Variants in FHAD1 observed in about 807,000 individuals in gnomAD.
The protein encoded by FHAD1 is forkhead associated phosphopeptide binding domain 1, also known as forkhead-associated domain-containing protein 1.
In FHAD1, 146 loss-of-function variants were observed where a neutral mutation model predicts 191.3. That is an observed-to-expected ratio of 0.76 (90% CI 0.67 to 0.88). The LOEUF (loss-of-function observed/expected upper bound fraction) is 0.88. FHAD1 is among the 40% of genes least tolerant of loss of function. The pLI, the probability that FHAD1 is intolerant of heterozygous loss-of-function variation, is 0.00. For synonymous variants in FHAD1, 616 were observed against 672.3 expected (o/e 0.92, Z 1.29); for missense variants, 1,635 against 1,785.8 (o/e 0.92, Z 1.52).
At chr1:15,288,238 C>T (rs1409844997) in intron 3 of FHAD1, among the ~76,000 whole-genome samples, 4 of 152,196 alleles carry the variant, frequency 2.6e-5, no homozygotes, top group Admixed American at 6.5e-5. Context: ...TCAATAAGCT[C>T]GGTGCAATAA....
At position 15,350,313 on chromosome 1, in the gene FHAD1, G is replaced by A. The variant is rs77152796; in HGVS notation, c.2454+1164G>A. ...GCGGCTCCAGGGCCACAAGACCAAA[G>A]CTGAGAAGCAGGCTGGAGAGTGCCC... On this transcript the variant is annotated intron_variant, in intron 19 of 33. Transcript: ENST00000688493. Among the ~76,000 whole-genome samples the A allele has an allele frequency of 8.7e-3, 1,332 of 152,338 alleles. 7 individuals carry two copies. Among genetic ancestry groups the A allele is most frequent in the Non-Finnish European group, 0.011 (721 of 68,034 alleles).
intron 6 of FHAD1, among the ~76,000 whole-genome samples, chr1:15,303,588 G>A (rs1269672716): frequency 5.9e-5 from 9 of 152,162 alleles, no homozygotes; most frequent in Non-Finnish European, 8.8e-5. Context: ...GGTGGCTCAC[G>A]CCTGTAATCC....
At chr1:15,380,294 G>T (rs1005094705) in intron 28 of FHAD1, among the ~76,000 whole-genome samples, 1 of 152,124 alleles carries the variant, frequency 6.6e-6, no homozygotes, top group Non-Finnish European at 1.5e-5. Flanking sequence ...GGCATGTGTG[G>T]ATGTCTAGTA....
intron 1 of FHAD1, among the ~76,000 whole-genome samples, chr1:15,241,986 G>A (rs1294702203): frequency 6.6e-6 from 1 of 152,212 alleles, no homozygotes; most frequent in East Asian, 1.9e-4. Context: ...TCTAATCCCA[G>A]CACTCTGGGA....
intron 2 of FHAD1, among the ~76,000 whole-genome samples, chr1:15,265,137 T>C (rs1318775934): frequency 1.3e-5 from 2 of 152,220 alleles, no homozygotes; most frequent in Non-Finnish European, 2.9e-5. Flanking sequence ...AGTTTTCTTA[T>C]AATGTCTTTG....
chr1:15,380,324 C>T (rs1471018240), intron 28 of FHAD1, among the ~76,000 whole-genome samples: 4 of 152,134 alleles, frequency 2.6e-5, no homozygotes, highest in Admixed American at 6.5e-5. Flanking sequence ...CTCTCTACCC[C>T]CTAGATGCTA....
chr1:15,260,506 G>A (rs948924331), intron 2 of FHAD1, among the ~76,000 whole-genome samples: 8 of 152,170 alleles, frequency 5.3e-5, no homozygotes, highest in African/African-American at 1.9e-4. Context: ...TTGGCCGCCT[G>A]GGCTCTTGGC....
At position 15,381,492 on chromosome 1, in the gene FHAD1, C is replaced by A; in HGVS notation, c.4022+41C>A. The A allele has an allele frequency of 1.4e-6, 2 of 1,456,056 alleles. No homozygotes were observed. Among genetic ancestry groups the A allele is most frequent in the Non-Finnish European group, 1.9e-6 (2 of 1,062,706 alleles). 90.2% of individuals were successfully genotyped at this position (1,456,056 alleles called of 1,614,324 possible). On this transcript the variant is annotated intron_variant, in intron 30 of 33. Coordinates refer to ENST00000688493, the MANE Select transcript of FHAD1 (RefSeq NM_001391957.1). This position sits in a 1 kb window ranked among gnomAD's most constrained non-coding sequence, Gnocchi z 4.6. ...CATGTCCCCACAGAAAGGCCCGGGC[C>A]TCCCTTCTCCTGGCTAAACTCAGGC...
chr1:15,335,719 CATTT>C (rs1683774706), intron 14 of FHAD1, among the ~76,000 whole-genome samples: 1 of 152,164 alleles, frequency 6.6e-6, no homozygotes, highest in Non-Finnish European at 1.5e-5. Flanking sequence ...TTATAACCAA[CATTT>C]ATAACTTTTG....
At chr1:15,383,905 T>C (rs1455314205) in intron 31 of FHAD1, 1 of 442,900 alleles carries the variant, frequency 2.3e-6, no homozygotes, top group Non-Finnish European at 4.6e-6. Flanking sequence ...CTGACCCTGG[T>C]TCTCCTGCTG....
In FHAD1 at chr1:15,367,638, GC is replaced by G. The variant is rs1228595457; in HGVS notation, c.3314+18del. 13 of 1,442,622 alleles carry G rather than the reference GC, an allele frequency of 9.0e-6. No homozygotes were observed. The highest frequency in any genetic ancestry group is 1.3e-5 in the South Asian group (1 of 79,766). 89.4% of individuals were successfully genotyped at this position (1,442,622 alleles called of 1,614,324 possible). On this transcript the variant is annotated intron_variant, in intron 25 of 33. Transcript: ENST00000688493. ...AGGCACTCAGGTTGGGTGGGCGGGG[GC>G]CGGGTTGGGGGGATGGTTTGCCTGC... is the stretch of plus-strand genomic sequence containing the variant.
chr1:15,353,713 AAAAAAAAAAAAAAGAAAAG>A (rs924920527), intron 20 of FHAD1, among the ~76,000 whole-genome samples: 6 of 148,628 alleles, frequency 4.0e-5, no homozygotes, highest in Non-Finnish European at 5.9e-5. Context: ...TCAAAAAAAA[AAAAAAAAAAAAAAGAAAAG>A]AAAAAAAAAA....
chr1:15,328,185 T>G, intron 12 of FHAD1, 92 bp from the exon 13 acceptor site: 1 of 1,051,802 alleles, frequency 9.5e-7, no homozygotes, highest in Non-Finnish European at 1.3e-6. Context: ...TTAAGTTGCA[T>G]CTCTCCCCTC....
In FHAD1 at chr1:15,301,219, G is replaced by A. The variant is rs1218191779; in HGVS notation, c.693G>A (p.Leu231=). Residue 231 remains leucine, a synonymous_variant, in exon 6 of 34, where the codon CTG becomes CTA. Coordinates refer to ENST00000688493, the MANE Select transcript of FHAD1 (RefSeq NM_001391957.1). ...LAQQDKDEII[L]LLGKEVSRLS... is the part of the protein sequence containing the mutation. ...TCTCTACCCAGGATGAAATAATTCTGCTGCTGGGAAAAGAGGTCAGCCGTC... is the reference window on the plus strand; with the variant it reads ...TCTCTACCCAGGATGAAATAATTCTACTGCTGGGAAAAGAGGTCAGCCGTC... 6.4e-7 allele frequency: 1 copy of A among 1,551,542 alleles called. No homozygotes were observed. Among genetic ancestry groups the A allele is most frequent in the African/African-American group, 1.4e-5 (1 of 73,000 alleles).
At chr1:15,382,730 C>T (rs781013766) in intron 31 of FHAD1, among the ~76,000 whole-genome samples, 2 of 152,100 alleles carry the variant, frequency 1.3e-5, no homozygotes, top group Non-Finnish European at 2.9e-5. Context: ...TGAAGGCTGT[C>T]GAGGCTGTGC....
intron 20 of FHAD1, among the ~76,000 whole-genome samples, chr1:15,356,754 C>T (rs1290502777): frequency 6.6e-6 from 1 of 151,950 alleles, no homozygotes; most frequent in African/African-American, 2.4e-5. Context: ...TGCCTGTAAT[C>T]CCGGCTACTC....
chr1:15,383,901 C>T (rs942950347), intron 31 of FHAD1: 1 of 444,108 alleles, frequency 2.3e-6, no homozygotes, highest in Non-Finnish European at 4.5e-6. Context: ...CCCTCTGACC[C>T]TGGTTCTCCT....
intron 28 of FHAD1, among the ~76,000 whole-genome samples, chr1:15,377,016 G>A (rs114273622): frequency 6.6e-6 from 1 of 152,158 alleles, no homozygotes; most frequent in Non-Finnish European, 1.5e-5. Context: ...TCTCCAGCAG[G>A]GACAACAGGA....
chr1:15,276,299 G>C lies in FHAD1; in HGVS notation c.300+3770G>C, dbSNP rs1658353306. On this transcript the variant is annotated intron_variant, in intron 3 of 33. Transcript: ENST00000688493. This position sits in a 1 kb window ranked among gnomAD's most constrained non-coding sequence, Gnocchi z 4.7. The stretch of plus-strand genomic sequence containing the variant: ...GCAGGAAGGTAAGAGGAGCACGCTA[G>C]CAGCCACCTGCCTCCACTGTGAGCC... 6.6e-6 allele frequency among the ~76,000 whole-genome samples: 1 copy of C among 152,230 alleles called. No homozygotes were observed. The highest frequency in any genetic ancestry group is 1.5e-5 in the Non-Finnish European group (1 of 68,042).
Sources: gnomAD v4.1 joint callset for allele counts (sites outside exome capture counted in the v4.1 genomes callset) on GRCh38, gnomAD v4.1.1 for gene constraint, Gnocchi (gnomAD v3.1) non-coding constraint, MANE v1.5 for transcripts, NCBI Gene and HGNC (gene_info 2026-07-23, HGNC 2026-07-21) for gene names.